The following MAP7 variants were observed in gnomAD, a reference collection of about 807,000 sequenced individuals.
MAP7 encodes ensconsin.
A neutral mutation model predicts 94.8 loss-of-function variants in MAP7; 52 were observed. That is an observed-to-expected ratio of 0.55 (90% CI 0.44 to 0.69). The LOEUF (loss-of-function observed/expected upper bound fraction) is 0.69. MAP7 is among the 30% of genes least tolerant of loss of function. MAP7 has a pLI of 0.00. For synonymous variants in MAP7, 350 were observed against 357.0 expected (o/e 0.98, Z 0.22); for missense variants, 940 against 964.6 (o/e 0.97, Z 0.34).
chr6:136,377,874 C>A lies in MAP7; in HGVS notation c.638-6G>T. 1 of 1,600,594 alleles carries A rather than the reference C, an allele frequency of 6.2e-7. No homozygotes were observed. Among genetic ancestry groups the A allele is most frequent in the African/African-American group, 1.3e-5 (1 of 74,760 alleles). On this transcript the variant is annotated splice_region_variant and splice_polypyrimidine_tract_variant and intron_variant, in intron 6 of 17. Coordinates refer to ENST00000354570, the MANE Select transcript of MAP7 (RefSeq NM_003980.6). Reference sequence around the variant, plus strand: ...GCTGAGCTGCAGGCGGCGAGCTAAACGTCACCACATAAGCAAGATGTTAGA... The same window carrying A: ...GCTGAGCTGCAGGCGGCGAGCTAAAAGTCACCACATAAGCAAGATGTTAGA...
chr6:136,509,835 C>G (rs561551047), intron 1 of MAP7, among the ~76,000 whole-genome samples: 80 of 152,320 alleles, frequency 5.3e-4, no homozygotes, highest in African/African-American at 1.7e-3. Flanking sequence ...GGATTACAGG[C>G]GTGAGCTATG....
At chr6:136,366,085 C>A in intron 9 of MAP7, 67 bp from the exon 10 acceptor site, 1 of 1,494,750 alleles carries the variant, frequency 6.7e-7, no homozygotes, top group Non-Finnish European at 9.0e-7. Flanking sequence ...GAACCTAGAA[C>A]ACGACTCGAT....
chr6:136,544,889 G>A (rs942324324), intron 1 of MAP7, among the ~76,000 whole-genome samples: 13 of 152,122 alleles, frequency 8.5e-5, no homozygotes, highest in African/African-American at 3.1e-4. Context: ...GAGCCCAGGA[G>A]TTCAAGTCCA....
chr6:136,502,675 A>G (rs778275147), intron 1 of MAP7, among the ~76,000 whole-genome samples: 2 of 152,200 alleles, frequency 1.3e-5, no homozygotes, highest in African/African-American at 2.4e-5. Flanking sequence ...TCCTGAATCA[A>G]TGGGTTATAA....
chr6:136,403,366 C>T (rs569792633), intron 3 of MAP7, among the ~76,000 whole-genome samples: 1 of 152,184 alleles, frequency 6.6e-6, no homozygotes, highest in Admixed American at 6.5e-5. Context: ...GCAGACACTG[C>T]CATTAAACTT....
intron 1 of MAP7, among the ~76,000 whole-genome samples, chr6:136,422,435 A>G (rs137979854): frequency 4.5e-4 from 69 of 152,298 alleles, no homozygotes; most frequent in African/African-American, 1.6e-3. Context: ...AAAAAAATCA[A>G]TTAAACAGGA....
rs557617281 is a variant in MAP7, at chr6:136,485,278, A to G, written c.68-63479T>C. ...TTCCTCAATATTTATTAATCTACTG[A>G]TAGTTCTGGGATACACTTTACAAAT... On this transcript the variant is annotated intron_variant, in intron 1 of 17. Transcript: ENST00000354570. Among the ~76,000 whole-genome samples, 7 of 152,282 alleles carry G rather than the reference A, an allele frequency of 4.6e-5. No homozygotes were observed. The South Asian group carries it at 1.5e-3, about 32-fold the overall frequency.
At chr6:136,455,643 G>A (rs538136652) in intron 1 of MAP7, among the ~76,000 whole-genome samples, 1 of 152,244 alleles carries the variant, frequency 6.6e-6, no homozygotes, top group Non-Finnish European at 1.5e-5. Context: ...CAATAGCAGA[G>A]AGAATACAAG....
chr6:136,409,340 C>T (rs1006788054), intron 3 of MAP7, among the ~76,000 whole-genome samples: 6 of 152,088 alleles, frequency 3.9e-5, no homozygotes, highest in African/African-American at 7.2e-5. Flanking sequence ...GTGATCACAC[C>T]TGTGAACAGC....
At chr6:136,360,469 TA>T (rs1175819224) in intron 13 of MAP7, among the ~76,000 whole-genome samples, 45 of 152,354 alleles carry the variant, frequency 3.0e-4, no homozygotes, top group Admixed American at 2.7e-3. Flanking sequence ...TAACTGGGGT[TA>T]TTCAAGAAAG....
rs367889528 is a variant in MAP7, at chr6:136,391,645, CAAAAAAT to C, written c.245-2135_245-2129del. ...ATATGCATTAAATCATATAATCTCT[CAAAAAAT>C]AAAAAATAAAAACTATTATTCAAAA... On this transcript the variant is annotated intron_variant, in intron 3 of 17. Coordinates refer to ENST00000354570, the MANE Select transcript of MAP7 (RefSeq NM_003980.6). Among the ~76,000 whole-genome samples the C allele has an allele frequency of 1.7e-4, 23 of 135,224 alleles. 2 individuals carry two copies. The South Asian group carries it at 5.8e-3, about 34-fold the overall frequency. The allele number at this position is 135,224 out of a possible 152,430, so 88.7% of individuals were successfully genotyped here.
chr6:136,533,310 G>C (rs1189141008), intron 1 of MAP7, among the ~76,000 whole-genome samples: 1 of 152,090 alleles, frequency 6.6e-6, no homozygotes. Context: ...AGATGAATAA[G>C]AGAGTTTTCC....
intron 17 of MAP7, among the ~76,000 whole-genome samples, chr6:136,344,723 C>T (rs1787217277): frequency 6.6e-6 from 1 of 152,168 alleles, no homozygotes; most frequent in Non-Finnish European, 1.5e-5. Context: ...GAAAGTCAGA[C>T]AGGGGAGGGC....
At chr6:136,504,299 C>T (rs915369563) in intron 1 of MAP7, among the ~76,000 whole-genome samples, 9 of 151,578 alleles carry the variant, frequency 5.9e-5, no homozygotes, top group South Asian at 2.1e-4. Flanking sequence ...CAGGAAATGA[C>T]GAAATTAGCC....
At chr6:136,372,750 G>T in intron 7 of MAP7, 125 bp from the exon 8 acceptor site, 2 of 1,178,154 alleles carry the variant, frequency 1.7e-6, no homozygotes, top group South Asian at 1.4e-5. Flanking sequence ...GAGATAGAGA[G>T]AAAAGTAGGA....
intron 1 of MAP7, among the ~76,000 whole-genome samples, chr6:136,446,169 A>C (rs1329492170): frequency 1.3e-5 from 2 of 152,012 alleles, no homozygotes; most frequent in Non-Finnish European, 2.9e-5. Flanking sequence ...TGGACAGGGC[A>C]CAGCATGGGA....
At chr6:136,498,917 G>C (rs955869528) in intron 1 of MAP7, among the ~76,000 whole-genome samples, 2 of 151,112 alleles carry the variant, frequency 1.3e-5, no homozygotes, top group South Asian at 2.1e-4. Context: ...GAGATTTTTT[G>C]GGTTTTGTTG....
chr6:136,544,749 C>A (rs1829588241), intron 1 of MAP7, among the ~76,000 whole-genome samples: 1 of 152,190 alleles, frequency 6.6e-6, no homozygotes, highest in South Asian at 2.1e-4. Context: ...CTCTCTTGTA[C>A]CACACATTTT....
chr6:136,451,804 A>C (rs1037048497), intron 1 of MAP7, among the ~76,000 whole-genome samples: 1 of 152,200 alleles, frequency 6.6e-6, no homozygotes, highest in Non-Finnish European at 1.5e-5. Context: ...GGGGATCAAG[A>C]CTTCAGTGGA....
Sources: gnomAD v4.1 joint callset for allele counts (sites outside exome capture counted in the v4.1 genomes callset) on GRCh38, gnomAD v4.1.1 for gene constraint, MANE v1.5 for transcripts, NCBI Gene and HGNC (gene_info 2026-07-23, HGNC 2026-07-21) for gene names.